Variants in AGO2 observed in about 807,000 individuals in gnomAD.
AGO2 encodes argonaute RISC catalytic component 2, also known as protein argonaute-2.
AGO2 carries 5 observed loss-of-function variants against 102.3 expected under a neutral mutation model. The observed-to-expected ratio is 0.05, with a 90% CI of 0.03 to 0.10. AGO2 has a LOEUF of 0.10. AGO2 is among the 10% of genes least tolerant of loss of function. The pLI is 1.00. For synonymous variants in AGO2, 449 were observed against 473.1 expected (o/e 0.95, Z 0.66); for missense variants, 541 against 1,183.7 (o/e 0.46, Z 7.97).
rs141073534 is a variant in AGO2, at chr8:140,557,008, C to T, written c.1026+81G>A. On this transcript the variant is annotated intron_variant, in intron 8 of 18. Transcript: ENST00000220592. This position sits in a 1 kb window ranked among gnomAD's most constrained non-coding sequence, Gnocchi z 5.9. Reference sequence around the variant, plus strand: ...CATTTGTATCTGACTGGGGCCTCGGCGGTTTCTCGAAGCTGCATGCCCCAG... The same window carrying T: ...CATTTGTATCTGACTGGGGCCTCGGTGGTTTCTCGAAGCTGCATGCCCCAG... The T allele has an allele frequency of 2.2e-4, 327 of 1,516,928 alleles. 4 individuals carry two copies. The East Asian group carries it at 7.1e-3, about 33-fold the overall frequency. The allele number at this position is 1,516,928 out of a possible 1,614,324, so 94.0% of individuals were successfully genotyped here.
chr8:140,595,079 C>G (rs73362375), intron 1 of AGO2, among the ~76,000 whole-genome samples: 6,155 of 152,168 alleles, frequency 0.04, 428 homozygotes, highest in African/African-American at 0.14. Context: ...AAATTACAAG[C>G]CTTTTGATCT....
chr8:140,594,445 G>A (rs140764872), intron 1 of AGO2, among the ~76,000 whole-genome samples: 1 of 152,110 alleles, frequency 6.6e-6, no homozygotes, highest in East Asian at 1.9e-4. Flanking sequence ...TTACAGGCAT[G>A]AGCCACCGTG....
chr8:140,624,341 T>C (rs572259165), intron 1 of AGO2, among the ~76,000 whole-genome samples: 1 of 152,266 alleles, frequency 6.6e-6, no homozygotes, highest in South Asian at 2.1e-4. Context: ...AGCCAGAACG[T>C]CCACACTGCA....
chr8:140,585,064 C>A (rs558496230), intron 2 of AGO2, 55 bp downstream of exon 2: 3 of 1,500,920 alleles, frequency 2.0e-6, no homozygotes, highest in South Asian at 2.6e-5. Flanking sequence ...AGTTTAAATG[C>A]CGTGTCTGTC....
intron 3 of AGO2, among the ~76,000 whole-genome samples, chr8:140,565,544 G>A (rs1197351560): frequency 6.6e-6 from 1 of 151,678 alleles, no homozygotes; most frequent in Non-Finnish European, 1.5e-5. Flanking sequence ...GGGAGGCTGA[G>A]GCAGGAGAAT....
chr8:140,602,948 A>G (rs929476974), intron 1 of AGO2, among the ~76,000 whole-genome samples: 1 of 152,266 alleles, frequency 6.6e-6, no homozygotes, highest in Non-Finnish European at 1.5e-5. Context: ...AGAGGACTGA[A>G]GAAAAGTTAA....
In AGO2 at chr8:140,524,042, G is replaced by A. The variant is rs1038723306; in HGVS notation, c.*8002C>T. ...GCTAGAGATAAAAACTGCCTGTTAG[G>A]TTAAGTCAAAACTGGTGTCCTATGT... On this transcript the variant is annotated 3_prime_UTR_variant, in exon 19 of 19. Coordinates refer to ENST00000220592, the MANE Select transcript of AGO2 (RefSeq NM_012154.5). 3 of 152,240 alleles carry A rather than the reference G, an allele frequency of 2.0e-5. No homozygotes were observed. Among genetic ancestry groups the A allele is most frequent in the Admixed American group, 2.0e-4 (3 of 15,280 alleles). 9.4% of individuals were successfully genotyped at this position (152,240 alleles called of 1,614,324 possible).
chr8:140,582,544 C>A (rs1418751426), intron 2 of AGO2, among the ~76,000 whole-genome samples: 1 of 152,136 alleles, frequency 6.6e-6, no homozygotes, highest in African/African-American at 2.4e-5. Flanking sequence ...CCTGTACAAT[C>A]AAATTATTTT....
At chr8:140,628,236 C>T (rs969849617) in intron 1 of AGO2, among the ~76,000 whole-genome samples, 2 of 152,238 alleles carry the variant, frequency 1.3e-5, no homozygotes, top group African/African-American at 2.4e-5. Context: ...CCCAGCCTGC[C>T]CTGACCCACT....
chr8:140,606,322 G>A (rs1395103686), intron 1 of AGO2, among the ~76,000 whole-genome samples: 2 of 152,222 alleles, frequency 1.3e-5, no homozygotes, highest in East Asian at 1.9e-4. Flanking sequence ...GAGAGCAAGC[G>A]AGGAGCATGC....
chr8:140,539,587 G>A lies in AGO2; in HGVS notation c.2035-133C>T, dbSNP rs567923036. 13 of 1,089,446 alleles carry A rather than the reference G, an allele frequency of 1.2e-5. No homozygotes were observed. In the South Asian group the frequency reaches 1.8e-4, roughly 15 times the overall value. The allele number at this position is 1,089,446 out of a possible 1,614,324, so 67.5% of individuals were successfully genotyped here. On this transcript the variant is annotated intron_variant, in intron 15 of 18. Coordinates refer to ENST00000220592, the MANE Select transcript of AGO2 (RefSeq NM_012154.5). This position sits in a 1 kb window ranked among gnomAD's most constrained non-coding sequence, Gnocchi z 4.7. The stretch of plus-strand genomic sequence containing the variant: ...GAGACAATGAGTGTGTTCACGGGGA[G>A]GTGAAAACACGGGGGCAGAAACCAT...
At position 140,525,353 on chromosome 8, in the gene AGO2, A is replaced by C. The variant is rs946954853; in HGVS notation, c.*6691T>G. The C allele has an allele frequency of 2.6e-5, 4 of 152,124 alleles. No homozygotes were observed. Among genetic ancestry groups the C allele is most frequent in the African/African-American group, 9.7e-5 (4 of 41,392 alleles). 9.4% of individuals were successfully genotyped at this position (152,124 alleles called of 1,614,324 possible). On this transcript the variant is annotated 3_prime_UTR_variant, in exon 19 of 19. Coordinates refer to ENST00000220592, the MANE Select transcript of AGO2 (RefSeq NM_012154.5). ...GCAGTGTCCCCTCGAAACACCCTGG[A>C]CCAGATTCTGACAGCCCAAGGCCAG...
chr8:140,625,989 A>G (rs2074271678), intron 1 of AGO2, among the ~76,000 whole-genome samples: 2 of 152,230 alleles, frequency 1.3e-5, no homozygotes, highest in Non-Finnish European at 2.9e-5. Context: ...CAGCACGCAC[A>G]GGGACCAAGG....
At chr8:140,562,669 C>T (rs775140100) in intron 3 of AGO2, 35 bp from the exon 4 acceptor site, 18 of 1,597,150 alleles carry the variant, frequency 1.1e-5, no homozygotes, top group Non-Finnish European at 1.5e-5. Context: ...GTTACTCCCT[C>T]CTGCGAAGCC....
Position 140,540,489 on chromosome 8 carries a change from C to G in AGO2, c.2034+675G>C, listed in dbSNP as rs373282908. Among the ~76,000 whole-genome samples the G allele has an allele frequency of 6.6e-5, 10 of 152,352 alleles. No homozygotes were observed. Among genetic ancestry groups the G allele is most frequent in the South Asian group, 4.1e-4 (2 of 4,830 alleles). On this transcript the variant is annotated intron_variant, in intron 15 of 18. Transcript: ENST00000220592. The surrounding 1 kb of genome is among the most constrained non-coding windows in gnomAD (Gnocchi z 5.0). ...TAGCCAACGGGAGAAACATTCAGGG[C>G]ACCCATCGCCCGGGTTCCAGGCCAA... is the stretch of plus-strand genomic sequence containing the variant.
intron 2 of AGO2, among the ~76,000 whole-genome samples, chr8:140,576,924 C>T (rs941958935): frequency 4.6e-5 from 7 of 152,046 alleles, no homozygotes; most frequent in African/African-American, 7.3e-5. Context: ...ACACGCTTGG[C>T]GGGCCAGGCG....
chr8:140,577,065 G>A (rs551572845), intron 2 of AGO2, among the ~76,000 whole-genome samples: 2 of 152,122 alleles, frequency 1.3e-5, no homozygotes, highest in East Asian at 3.9e-4. Flanking sequence ...AAAATTAGCT[G>A]GACGTGGTGG....
intron 1 of AGO2, among the ~76,000 whole-genome samples, chr8:140,611,069 T>C (rs752231238): frequency 2.6e-5 from 4 of 152,184 alleles, no homozygotes; most frequent in Non-Finnish European, 4.4e-5. Flanking sequence ...GTTCTCTAAG[T>C]GTGGTCCGGG....
At chr8:140,617,146 A>G (rs1262673016) in intron 1 of AGO2, among the ~76,000 whole-genome samples, 2 of 152,176 alleles carry the variant, frequency 1.3e-5, no homozygotes, top group Non-Finnish European at 2.9e-5. Flanking sequence ...TTCTAAGCAT[A>G]TATGTAAGAG....
Sources: gnomAD v4.1 joint callset for allele counts (sites outside exome capture counted in the v4.1 genomes callset) on GRCh38, gnomAD v4.1.1 for gene constraint, Gnocchi (gnomAD v3.1) non-coding constraint, MANE v1.5 for transcripts, NCBI Gene and HGNC (gene_info 2026-07-23, HGNC 2026-07-21) for gene names.